TRMT44: variants seen among roughly 807,000 people sequenced by gnomAD.
TRMT44 encodes the protein tRNA methyltransferase 44 homolog, also known as probable tRNA (uracil-O(2)-)-methyltransferase.
A neutral mutation model predicts 77.3 loss-of-function variants in TRMT44; 78 were observed. The observed-to-expected ratio is 1.01, with a 90% CI of 0.84 to 1.22. The LOEUF (loss-of-function observed/expected upper bound fraction) is 1.22. Ranked by LOEUF, TRMT44 falls within the 50% of genes most tolerant of loss-of-function variation. The pLI is 0.00. For missense variants in TRMT44, 1,090 were observed against 964.4 expected (o/e 1.13, Z -1.73); for synonymous variants, 391 against 383.3 (o/e 1.02, Z -0.23).
At position 8,459,895 on chromosome 4, in the gene TRMT44, G is replaced by A. The variant is rs1356078355; in HGVS notation, c.1204-4090G>A. Among the ~76,000 whole-genome samples, 9 of 152,296 alleles carry A rather than the reference G, an allele frequency of 5.9e-5. No homozygotes were observed. In the East Asian group the frequency reaches 1.7e-3, roughly 29 times the overall value. On this transcript the variant is annotated intron_variant, in intron 6 of 10. Transcript: ENST00000389737. ...CGAGGGTGGTGGCAGGTGCTGAGGA[G>A]GAGGCTGGGGGTGTTGTGTAGTGGC...
In TRMT44 at chr4:8,461,658, T is replaced by C. The variant is rs1207473578; in HGVS notation, c.1204-2327T>C. 2.0e-5 allele frequency among the ~76,000 whole-genome samples: 3 copies of C among 152,124 alleles called. No individual in the cohort carries two copies. The highest frequency in any genetic ancestry group is 2.0e-4 in the Admixed American group (3 of 15,272). Reference sequence around the variant, plus strand: ...CACTTAGTCAGGAAAGGCCTGCTGTTGAGAGTTCTGTATTCTAATCAAGTG... The same window carrying C: ...CACTTAGTCAGGAAAGGCCTGCTGTCGAGAGTTCTGTATTCTAATCAAGTG... On this transcript the variant is annotated intron_variant, in intron 6 of 10. Coordinates refer to ENST00000389737, the MANE Select transcript of TRMT44 (RefSeq NM_152544.3). The surrounding 1 kb of genome is among the most constrained non-coding windows in gnomAD (Gnocchi z 4.6).
At chr4:8,491,627 T>C (rs1237272886) in intron 2 of TRMT44, among the ~76,000 whole-genome samples, 1 of 152,200 alleles carries the variant, frequency 6.6e-6, no homozygotes, top group East Asian at 1.9e-4. Context: ...GGGGACCTAG[T>C]ACACCCTCTG....
At chr4:8,502,135 C>T in the TRMT44 span, among the ~76,000 whole-genome samples, 11 of 152,220 alleles carry the variant, frequency 7.2e-5, no homozygotes, top group South Asian at 2.1e-4. Context: ...ACCCATAAAA[C>T]GGGGGCTCCT....
At chr4:8,483,403 T>C (rs1727689151) in intron 2 of TRMT44, among the ~76,000 whole-genome samples, 1 of 148,550 alleles carries the variant, frequency 6.7e-6, no homozygotes, top group Admixed American at 6.7e-5. Context: ...GATAGTAGGG[T>C]TGACAAGTTT....
the TRMT44 span, among the ~76,000 whole-genome samples, chr4:8,500,778 C>G: frequency 6.6e-6 from 1 of 152,034 alleles, no homozygotes; most frequent in East Asian, 1.9e-4. Context: ...GTGCCTCAGC[C>G]TCCCGAGTAG....
chr4:8,450,480 T>C (rs1172303538), intron 3 of TRMT44, among the ~76,000 whole-genome samples: 1 of 152,160 alleles, frequency 6.6e-6, no homozygotes, highest in Non-Finnish European at 1.5e-5. Flanking sequence ...ATTCTTTGTA[T>C]AAACTTAAAT....
rs1289659364 is a variant in TRMT44, at chr4:8,444,483, C to T, written c.620-1993C>T. ...TGTGATTTCAGCTCACTGCAACCTC[C>T]GCCTCCTGGGTTCGAGCGATTCTCC... On this transcript the variant is annotated intron_variant, in intron 1 of 10. Coordinates refer to ENST00000389737, the MANE Select transcript of TRMT44 (RefSeq NM_152544.3). The surrounding 1 kb of genome is among the most constrained non-coding windows in gnomAD (Gnocchi z 4.0). Among the ~76,000 whole-genome samples, 4 of 151,792 alleles carry T rather than the reference C, an allele frequency of 2.6e-5. No homozygotes were observed. Among genetic ancestry groups the T allele is most frequent in the South Asian group, 2.1e-4 (1 of 4,820 alleles).
rs893892755 is a variant in TRMT44 at position 8,476,268 on chromosome 4, T to G, written c.*267T>G. 2 of 522,006 alleles carry G rather than the reference T, an allele frequency of 3.8e-6. No individual in the cohort carries two copies. Among genetic ancestry groups the G allele is most frequent in the Non-Finnish European group, 6.9e-6 (2 of 289,652 alleles). 32.3% of individuals were successfully genotyped at this position (522,006 alleles called of 1,614,324 possible). ...CGCAGCATCTTCATATCATAAAGAT[T>G]GTGCACGGATCCTTACAATGTCTCC... is the stretch of plus-strand genomic sequence containing the variant. On this transcript the variant is annotated 3_prime_UTR_variant, in exon 11 of 11. Coordinates refer to ENST00000389737, the MANE Select transcript of TRMT44 (RefSeq NM_152544.3).
At chr4:8,459,598 C>T (rs531227853) in intron 6 of TRMT44, among the ~76,000 whole-genome samples, 2 of 152,272 alleles carry the variant, frequency 1.3e-5, no homozygotes, top group Admixed American at 1.3e-4. Flanking sequence ...TTTTTCCTAC[C>T]TGGACTTTAA....
At position 8,461,906 on chromosome 4, in the gene TRMT44, A is replaced by G. The variant is rs952367899; in HGVS notation, c.1204-2079A>G. Among the ~76,000 whole-genome samples the G allele has an allele frequency of 4.6e-5, 7 of 152,162 alleles. No homozygotes were observed. In the South Asian group the frequency reaches 6.2e-4, roughly 14 times the overall value. ...TTGAGTGGTTTCCACGAACAGGTAC[A>G]ATCTAGAAAGTCAAAGGCCAGGCGT... On this transcript the variant is annotated intron_variant, in intron 6 of 10. Transcript: ENST00000389737. The surrounding 1 kb of genome is among the most constrained non-coding windows in gnomAD (Gnocchi z 4.6).
chr4:8,485,472 T>G (rs975368225), intron 2 of TRMT44, among the ~76,000 whole-genome samples: 2 of 150,630 alleles, frequency 1.3e-5, no homozygotes, highest in African/African-American at 4.9e-5. Context: ...CTGTAGCAGG[T>G]GAGTGATAAC....
chr4:8,454,326 T>G, intron 5 of TRMT44: 1 of 180,616 alleles, frequency 5.5e-6, no homozygotes, highest in Non-Finnish European at 1.2e-5. Flanking sequence ...TGCAGGGGTG[T>G]GGGTATCTGT....
At chr4:8,511,380 G>C in the TRMT44 span, among the ~76,000 whole-genome samples, 1 of 152,226 alleles carries the variant, frequency 6.6e-6, no homozygotes, top group African/African-American at 2.4e-5. Flanking sequence ...TCAGAATAAT[G>C]TCCCCCCTCC....
intron 2 of TRMT44, among the ~76,000 whole-genome samples, chr4:8,490,306 G>T (rs368090913): frequency 6.6e-6 from 1 of 152,216 alleles, no homozygotes; most frequent in Non-Finnish European, 1.5e-5. Flanking sequence ...ACAGACCCTC[G>T]CGGTGAGTGT....
chr4:8,458,331 C>T lies in TRMT44; in HGVS notation c.1203+3518C>T, dbSNP rs572006841. Reference sequence around the variant, plus strand: ...CTTCCACACCTGAGACAGCAAGACCCGTCCCTTCTCTTCCTTCTCCTCCTC... The same window carrying T: ...CTTCCACACCTGAGACAGCAAGACCTGTCCCTTCTCTTCCTTCTCCTCCTC... On this transcript the variant is annotated intron_variant, in intron 6 of 10. Coordinates refer to ENST00000389737, the MANE Select transcript of TRMT44 (RefSeq NM_152544.3). 4.6e-5 allele frequency among the ~76,000 whole-genome samples: 7 copies of T among 152,258 alleles called. No individual in the cohort carries two copies. In the East Asian group the frequency reaches 5.8e-4, roughly 13 times the overall value.
chr4:8,516,153 C>T, the TRMT44 span, among the ~76,000 whole-genome samples: 7 of 152,180 alleles, frequency 4.6e-5, no homozygotes, highest in African/African-American at 1.4e-4. Flanking sequence ...CCTCTGTGCT[C>T]GTCCCTGGGT....
intron 8 of TRMT44, among the ~76,000 whole-genome samples, chr4:8,466,381 C>T (rs907707458): frequency 2.6e-5 from 4 of 152,292 alleles, no homozygotes; most frequent in East Asian, 1.9e-4. Context: ...GGAGGCTGCC[C>T]GGGTCTCTGT....
chr4:8,516,167 C>G, the TRMT44 span, among the ~76,000 whole-genome samples: 1 of 152,176 alleles, frequency 6.6e-6, no homozygotes, highest in Non-Finnish European at 1.5e-5. Context: ...CCTGGGTGGC[C>G]ACGCTCCAAC....
the TRMT44 span, chr4:8,510,326 G>C: frequency 3.9e-4 from 59 of 152,884 alleles, 1 homozygote; most frequent in East Asian, 1.7e-3. Flanking sequence ...CGGCCATGGG[G>C]TGTCCCCTGA....
Sources: allele counts gnomAD v4.1 joint callset (sites outside exome capture counted in the v4.1 genomes callset), GRCh38; gene constraint gnomAD v4.1.1; non-coding constraint Gnocchi (gnomAD v3.1); transcripts MANE v1.5; gene names NCBI Gene and HGNC (gene_info 2026-07-23, HGNC 2026-07-21).